The following VPS39 variants were observed in gnomAD, a reference collection of about 807,000 sequenced individuals.
The protein encoded by VPS39 is VPS39 subunit of HOPS complex, also known as vam6/Vps39-like protein.
In VPS39, 70 loss-of-function variants were observed where a neutral mutation model predicts 121.0. The observed-to-expected ratio is 0.58, with a 90% confidence interval of 0.48 to 0.71. The LOEUF (loss-of-function observed/expected upper bound fraction) is 0.71, where lower values mean the gene tolerates loss of function less well. VPS39 is among the 30% of genes least tolerant of loss of function. The probability of loss-of-function intolerance (pLI) is 0.00; values close to 1 mark genes in which losing one functional copy is unlikely to be tolerated. For missense variants in VPS39, 818 were observed against 1,051.5 expected, an observed-to-expected ratio of 0.78 and a Z score of 3.07; for synonymous variants, 378 against 398.1, an observed-to-expected ratio of 0.95 and a Z score of 0.60.
chr15:42,169,990 C>T, intron 11 of VPS39, 124 bp from the exon 12 acceptor site: 1 of 1,046,486 alleles, frequency 9.6e-7, no homozygotes, highest in Non-Finnish European at 1.3e-6. Flanking sequence ...AAAAGACTCT[C>T]AGTTCATAAA....
At chr15:42,203,322 A>G (rs1210808828) in intron 1 of VPS39, among the ~76,000 whole-genome samples, 1 of 152,134 alleles carries the variant, frequency 6.6e-6, no homozygotes, top group East Asian at 1.9e-4. Context: ...TACAAAAAAA[A>G]TTAGCCAGGC....
chr15:42,177,786 C>T (rs1364899534), intron 10 of VPS39, among the ~76,000 whole-genome samples: 1 of 152,290 alleles, frequency 6.6e-6, no homozygotes, highest in East Asian at 1.9e-4. Context: ...CCTGCCTCAG[C>T]TTCCTGAGTG....
At chr15:42,204,644 A>G (rs2050133524) in intron 1 of VPS39, among the ~76,000 whole-genome samples, 1 of 152,162 alleles carries the variant, frequency 6.6e-6, no homozygotes, top group African/African-American at 2.4e-5. Flanking sequence ...AGCGAGACTC[A>G]GTCTCAAAAA....
intron 2 of VPS39, among the ~76,000 whole-genome samples, chr15:42,193,576 C>T (rs936206490): frequency 9.3e-5 from 14 of 150,962 alleles, no homozygotes; most frequent in African/African-American, 3.4e-4. Flanking sequence ...TTTTAAAACT[C>T]ATGCATTAGT....
intron 3 of VPS39, 155 bp from the exon 4 acceptor site, chr15:42,191,322 T>C: frequency 9.0e-7 from 1 of 1,105,920 alleles, no homozygotes; most frequent in Non-Finnish European, 1.3e-6. Context: ...GTGATTATCA[T>C]TTCTGCTTGT....
intron 12 of VPS39, 147 bp downstream of exon 12, chr15:42,169,577 G>GA (rs1164613780): frequency 1.4e-5 from 12 of 875,570 alleles, no homozygotes; most frequent in African/African-American, 1.7e-5. Flanking sequence ...AGAAGTAGCA[G>GA]AAAGAAACTT....
chr15:42,187,462 C>A, intron 6 of VPS39, 99 bp from the exon 7 acceptor site: 1 of 1,104,334 alleles, frequency 9.1e-7, no homozygotes, highest in Non-Finnish European at 1.3e-6. Flanking sequence ...AAACAACCCT[C>A]ACCCTCATCG....
intron 7 of VPS39, among the ~76,000 whole-genome samples, chr15:42,185,751 T>G (rs1263127565): frequency 2.0e-5 from 3 of 152,168 alleles, no homozygotes; most frequent in African/African-American, 7.2e-5. Flanking sequence ...GAGGCTGACT[T>G]CAATATGAGG....
chr15:42,174,029 C>G (rs2049398490), intron 10 of VPS39, among the ~76,000 whole-genome samples, 177 bp from the exon 11 acceptor site: 1 of 152,038 alleles, frequency 6.6e-6, no homozygotes, highest in South Asian at 2.1e-4. Flanking sequence ...GGGCGGATCA[C>G]AAGGTCAGGA....
At chr15:42,181,168 G>A (rs1429234163) in intron 8 of VPS39, among the ~76,000 whole-genome samples, 1 of 152,020 alleles carries the variant, frequency 6.6e-6, no homozygotes, top group Non-Finnish European at 1.5e-5. Flanking sequence ...ACACACAGTG[G>A]AATATTATTA....
chr15:42,191,163 T>C lies in VPS39; in HGVS notation c.209A>G (p.His70Arg), dbSNP rs1463949198. Residue 70 changes from histidine to arginine, a missense_variant, in exon 4 of 25, where the codon CAT becomes CGT. Coordinates refer to ENST00000318006, the MANE Select transcript of VPS39 (RefSeq NM_015289.5). ...CAGAATCTTAAACTGGGAAACCACA[T>C]GGATCTGGAAAATAGGAAATCATGA... ...KNFSKKIQQIHVVSQFKILVS... is the reference protein window; with the variant it reads ...KNFSKKIQQIRVVSQFKILVS... 2 of 1,614,154 alleles carry C rather than the reference T, an allele frequency of 1.2e-6. No homozygotes were observed. Among genetic ancestry groups the C allele is most frequent in the Non-Finnish European group, 8.5e-7 (1 of 1,180,002 alleles).
Position 42,189,214 on chromosome 15 carries a change from T to C in VPS39, c.248-6A>G, listed in dbSNP as rs1566905507. ...ATGGACATAAATGTTATTTTCTGTTTGGGAGGAGGTATAACATCAGGATCA... is the reference window on the plus strand; with the variant it reads ...ATGGACATAAATGTTATTTTCTGTTCGGGAGGAGGTATAACATCAGGATCA... On this transcript the variant is annotated splice_region_variant and splice_polypyrimidine_tract_variant and intron_variant, in intron 4 of 24. Transcript: ENST00000318006. 6.2e-7 allele frequency: 1 copy of C among 1,604,866 alleles called. No individual in the cohort carries two copies. The highest frequency in any genetic ancestry group is 2.2e-5 in the East Asian group (1 of 44,796).
chr15:42,203,859 G>A (rs142155850), intron 1 of VPS39, among the ~76,000 whole-genome samples: 1 of 152,346 alleles, frequency 6.6e-6, no homozygotes, highest in Non-Finnish European at 1.5e-5. Flanking sequence ...CAAGCCTGCA[G>A]AGCACGCGCA....
chr15:42,160,853 G>C (rs771489580), intron 24 of VPS39, 24 bp from the exon 25 acceptor site: 1 of 1,613,252 alleles, frequency 6.2e-7, no homozygotes, highest in South Asian at 1.1e-5. Context: ...AATGGCTTGG[G>C]AGTGAGGACT....
intron 7 of VPS39, among the ~76,000 whole-genome samples, chr15:42,185,127 G>A (rs1224823300): frequency 2.0e-5 from 3 of 151,390 alleles, no homozygotes; most frequent in African/African-American, 7.3e-5. Flanking sequence ...ACAAACGCTT[G>A]TATGCAAATG....
chr15:42,179,920 T>C (rs971572427), intron 8 of VPS39, among the ~76,000 whole-genome samples: 1 of 152,188 alleles, frequency 6.6e-6, no homozygotes, highest in Non-Finnish European at 1.5e-5. Context: ...AATAGATTAA[T>C]GCACTATAAA....
intron 8 of VPS39, among the ~76,000 whole-genome samples, chr15:42,181,609 A>T (rs1445799281): frequency 6.6e-6 from 1 of 152,244 alleles, no homozygotes; most frequent in Non-Finnish European, 1.5e-5. Context: ...GTAAAAAGCA[A>T]ACCACTAGAT....
Position 42,178,534 on chromosome 15 carries a change from C to T in VPS39, c.755G>A (p.Arg252Gln), listed in dbSNP as rs771137413. The T allele has an allele frequency of 2.5e-6, 4 of 1,614,054 alleles. No individual in the cohort carries two copies. The highest frequency in any genetic ancestry group is 1.3e-5 in the African/African-American group (1 of 75,010). ...TTCAAATGTTCGGATCTCAACATATCGAGGCAACACTGCAATGATGTAGGG... is the reference window on the plus strand; with the variant it reads ...TTCAAATGTTCGGATCTCAACATATTGAGGCAACACTGCAATGATGTAGGG... ...QPPYIIAVLP[R>Q]YVEIRTFEPR... The change falls in exon 9 of 25, where the codon CGA becomes CAA. Residue 252 changes from arginine (R) to glutamine (Q), a missense_variant. Transcript: ENST00000318006.
intron 10 of VPS39, among the ~76,000 whole-genome samples, chr15:42,175,135 C>T (rs1198570949): frequency 4.6e-5 from 7 of 152,050 alleles, no homozygotes; most frequent in Admixed American, 1.3e-4. Flanking sequence ...TCCGATGGGC[C>T]GGGCGCGGTA....
Sources: allele counts gnomAD v4.1 joint callset (sites outside exome capture counted in the v4.1 genomes callset), GRCh38; gene constraint gnomAD v4.1.1; transcripts MANE v1.5; gene names NCBI Gene and HGNC (gene_info 2026-07-23, HGNC 2026-07-21).